KCNIP4: variants seen among roughly 807,000 people sequenced by gnomAD.
The protein encoded by KCNIP4 is Kv channel-interacting protein 4.
Under a neutral mutation model 34.0 loss-of-function variants are expected in KCNIP4, and 12 were observed. That is an observed-to-expected ratio of 0.35 (90% CI 0.23 to 0.57). The LOEUF (loss-of-function observed/expected upper bound fraction) is 0.57. Among genes scored for constraint, KCNIP4 ranks in the 20% least tolerant of loss-of-function variants. The pLI is 0.83. For missense variants in KCNIP4, 238 were observed against 311.7 expected (o/e 0.76, Z 1.78); for synonymous variants, 124 against 102.2 (o/e 1.21, Z -1.29).
At chr4:21,174,872 C>T (rs995277425) in intron 1 of KCNIP4, among the ~76,000 whole-genome samples, 1 of 150,028 alleles carries the variant, frequency 6.7e-6, no homozygotes, top group Non-Finnish European at 1.5e-5. Context: ...TGCACTCCAG[C>T]CCCTGGGTGA....
In KCNIP4 at chr4:21,530,688, CA is replaced by C. The variant is rs372301883; in HGVS notation, c.61+417882del. 9.3e-4 allele frequency among the ~76,000 whole-genome samples: 142 copies of C among 152,254 alleles called. 1 individual carries two copies. Among genetic ancestry groups the C allele is most frequent in the East Asian group, 6.6e-3 (34 of 5,184 alleles). ...TCTATATCATTGGATAAGGAGTTAT[CA>C]AAAGCTTCCAAGTACCACAATAAAA... On this transcript the variant is annotated intron_variant, in intron 1 of 8. Coordinates refer to ENST00000382152, the MANE Select transcript of KCNIP4 (RefSeq NM_025221.6).
At chr4:20,988,012 A>AAAAAAAAAAAAAAAAAAAAAAAAAT (rs1736745434) in intron 1 of KCNIP4, among the ~76,000 whole-genome samples, 1 of 149,846 alleles carries the variant, frequency 6.7e-6, no homozygotes, top group African/African-American at 2.5e-5. Flanking sequence ...AAAAAAAAAA[A>AAAAAAAAAAAAAAAAAAAAAAAAAT]AAAAAAAAAA....
Position 21,637,572 on chromosome 4 carries a change from T to C in KCNIP4, c.61+310999A>G, listed in dbSNP as rs556095462. 2.7e-3 allele frequency among the ~76,000 whole-genome samples: 413 copies of C among 151,884 alleles called. 4 individuals carry two copies. The highest frequency in any genetic ancestry group is 9.5e-3 in the African/African-American group (393 of 41,390). ...CTGAGGCGGGTGGATGGCTTGCGGA[T>C]AGGCATTCAAGACCAGACTGGTGAA... On this transcript the variant is annotated intron_variant, in intron 1 of 8. Coordinates refer to ENST00000382152, the MANE Select transcript of KCNIP4 (RefSeq NM_025221.6).
intron 1 of KCNIP4, among the ~76,000 whole-genome samples, chr4:21,651,590 T>G (rs942664095): frequency 6.6e-6 from 1 of 152,194 alleles, no homozygotes; most frequent in Non-Finnish European, 1.5e-5. Flanking sequence ...TAAAGCCAAT[T>G]ATGAAATATG....
intron 1 of KCNIP4, among the ~76,000 whole-genome samples, chr4:21,609,345 T>G (rs1418389943): frequency 6.6e-6 from 1 of 152,148 alleles, no homozygotes; most frequent in Non-Finnish European, 1.5e-5. Flanking sequence ...TTGAAGGGCA[T>G]CTCTTTAAAT....
intron 1 of KCNIP4, among the ~76,000 whole-genome samples, chr4:21,266,838 C>G (rs531161508): frequency 6.6e-6 from 1 of 152,116 alleles, no homozygotes; most frequent in African/African-American, 2.4e-5. Flanking sequence ...GAGAGTGATG[C>G]AATCATAATT....
intron 1 of KCNIP4, among the ~76,000 whole-genome samples, chr4:21,747,486 T>C (rs1003453872): frequency 2.0e-5 from 3 of 152,136 alleles, no homozygotes; most frequent in African/African-American, 7.2e-5. Context: ...TCTCAACTCT[T>C]AGTTCAGTGC....
intron 1 of KCNIP4, among the ~76,000 whole-genome samples, chr4:21,892,368 G>A (rs1317499639): frequency 6.6e-6 from 1 of 151,774 alleles, no homozygotes; most frequent in Non-Finnish European, 1.5e-5. Context: ...AGTTGGGATT[G>A]CGATTACCCT....
At chr4:21,381,605 A>C (rs1721512376) in intron 1 of KCNIP4, among the ~76,000 whole-genome samples, 1 of 152,206 alleles carries the variant, frequency 6.6e-6, no homozygotes, top group Non-Finnish European at 1.5e-5. Flanking sequence ...CAGATGAGTT[A>C]AAGTTTGAAT....
chr4:21,594,897 T>G (rs1742510888), intron 1 of KCNIP4, among the ~76,000 whole-genome samples: 1 of 152,026 alleles, frequency 6.6e-6, no homozygotes, highest in Admixed American at 6.6e-5. Context: ...TTTGGAATAT[T>G]ATGTTGGTGC....
At chr4:21,004,886 C>T (rs1405232614) in intron 1 of KCNIP4, among the ~76,000 whole-genome samples, 1 of 151,614 alleles carries the variant, frequency 6.6e-6, no homozygotes, top group African/African-American at 2.4e-5. Flanking sequence ...GAGGACAGGA[C>T]ATAGGAACAA....
chr4:21,595,424 C>G (rs1160998410), intron 1 of KCNIP4, among the ~76,000 whole-genome samples: 1 of 152,084 alleles, frequency 6.6e-6, no homozygotes, highest in Non-Finnish European at 1.5e-5. Flanking sequence ...CAAGTCTTTG[C>G]TACTATGAAT....
intron 1 of KCNIP4, among the ~76,000 whole-genome samples, chr4:20,961,469 G>A (rs1299614393): frequency 6.6e-6 from 1 of 152,010 alleles, no homozygotes; most frequent in Non-Finnish European, 1.5e-5. Context: ...CCAAAACTCA[G>A]CAAAGGCAAC....
intron 1 of KCNIP4, among the ~76,000 whole-genome samples, chr4:21,290,852 T>A (rs1366125925): frequency 6.6e-6 from 1 of 152,184 alleles, no homozygotes. Flanking sequence ...TAGGTAGATG[T>A]AAGAGCACAT....
chr4:20,981,462 T>G (rs1736055876), intron 1 of KCNIP4, among the ~76,000 whole-genome samples: 1 of 152,210 alleles, frequency 6.6e-6, no homozygotes, highest in African/African-American at 2.4e-5. Flanking sequence ...CCCATGTGCA[T>G]TTTCATTTAT....
intron 1 of KCNIP4, among the ~76,000 whole-genome samples, chr4:21,214,982 A>G (rs1237924552): frequency 6.6e-6 from 1 of 152,202 alleles, no homozygotes; most frequent in African/African-American, 2.4e-5. Flanking sequence ...AGGGAGAAGA[A>G]TGCATACTGA....
At chr4:21,138,674 C>A (rs1342845356) in intron 1 of KCNIP4, among the ~76,000 whole-genome samples, 1 of 151,926 alleles carries the variant, frequency 6.6e-6, no homozygotes, top group East Asian at 1.9e-4. Context: ...ATGTGATTAC[C>A]TTAAGGATCT....
At chr4:20,767,482 A>T (rs1294628030) in intron 3 of KCNIP4, 2 of 152,210 alleles carry the variant, frequency 1.3e-5, no homozygotes, top group Non-Finnish European at 2.9e-5. Flanking sequence ...AGATCCATGT[A>T]TGCATAGGAA....
At chr4:21,215,702 A>AGG (rs2108988047) in intron 1 of KCNIP4, among the ~76,000 whole-genome samples, 1 of 152,368 alleles carries the variant, frequency 6.6e-6, no homozygotes, top group East Asian at 1.9e-4. Context: ...ATCAGAAAAA[A>AGG]GGGGACCTTT....
Sources: gnomAD v4.1 joint callset for allele counts (sites outside exome capture counted in the v4.1 genomes callset) on GRCh38, gnomAD v4.1.1 for gene constraint, MANE v1.5 for transcripts, NCBI Gene and HGNC (gene_info 2026-07-23, HGNC 2026-07-21) for gene names.